The following CRIM1 variants were observed in gnomAD, a reference collection of about 807,000 sequenced individuals.
CRIM1 encodes cysteine rich transmembrane BMP regulator 1.
Under a neutral mutation model 116.4 loss-of-function variants are expected in CRIM1, and 32 were observed. The observed-to-expected ratio is 0.27, with a 90% confidence interval of 0.21 to 0.37. CRIM1 has a LOEUF of 0.37. CRIM1 is among the 10% of genes least tolerant of loss of function. The pLI is 1.00. For synonymous variants in CRIM1, 590 were observed against 509.2 expected (o/e 1.16, Z -2.13); for missense variants, 1,331 against 1,354.8 (o/e 0.98, Z 0.28).
At chr2:36,547,215 A>T (rs1355861437) in intron 16 of CRIM1, 44 bp downstream of exon 16, 50 of 1,496,348 alleles carry the variant, frequency 3.3e-5, no homozygotes, top group Non-Finnish European at 4.6e-5. Context: ...TGAATCTAGG[A>T]AAACTTACAC....
chr2:36,364,780 G>A (rs1277758290), intron 1 of CRIM1, among the ~76,000 whole-genome samples: 1 of 152,090 alleles, frequency 6.6e-6, no homozygotes, highest in Non-Finnish European at 1.5e-5. Flanking sequence ...AGTAAATATT[G>A]TAGTGAGGAT....
At chr2:36,466,325 A>C (rs941559098) in intron 5 of CRIM1, among the ~76,000 whole-genome samples, 1 of 152,158 alleles carries the variant, frequency 6.6e-6, no homozygotes, top group African/African-American at 2.4e-5. Context: ...AGGGGAACAG[A>C]AAAAGTTCTG....
intron 1 of CRIM1, among the ~76,000 whole-genome samples, chr2:36,369,534 A>G (rs1270978254): frequency 6.6e-6 from 1 of 152,222 alleles, no homozygotes; most frequent in East Asian, 1.9e-4. Context: ...ATTAACGACA[A>G]AAAGTTCTGT....
intron 1 of CRIM1, among the ~76,000 whole-genome samples, chr2:36,358,482 G>A (rs1669004056): frequency 6.6e-6 from 1 of 152,194 alleles, no homozygotes; most frequent in Admixed American, 6.5e-5. Context: ...TTCTGGTGAA[G>A]GAAGTGCTCA....
chr2:36,415,260 T>A (rs982315126), intron 2 of CRIM1, among the ~76,000 whole-genome samples: 1 of 152,172 alleles, frequency 6.6e-6, no homozygotes, highest in African/African-American at 2.4e-5. Context: ...AATTACCTGC[T>A]TGAGAAACTG....
intron 1 of CRIM1, among the ~76,000 whole-genome samples, chr2:36,392,556 T>A (rs1046558271): frequency 1.3e-5 from 2 of 152,148 alleles, no homozygotes; most frequent in African/African-American, 4.8e-5. Flanking sequence ...AAAGAGAGAT[T>A]TTAAAACATA....
chr2:36,403,751 G>A (rs564385565), intron 2 of CRIM1, among the ~76,000 whole-genome samples: 1 of 152,240 alleles, frequency 6.6e-6, no homozygotes, highest in South Asian at 2.1e-4. Flanking sequence ...AGGATATATT[G>A]TGGTGTCATT....
intron 2 of CRIM1, among the ~76,000 whole-genome samples, chr2:36,440,996 A>G (rs1049884956): frequency 6.6e-6 from 1 of 152,170 alleles, no homozygotes; most frequent in Non-Finnish European, 1.5e-5. Context: ...CATTTTGGTC[A>G]TTGCTCCAGA....
At chr2:36,509,132 TAGTA>T (rs1035191189) in intron 8 of CRIM1, among the ~76,000 whole-genome samples, 15 of 152,314 alleles carry the variant, frequency 9.8e-5, no homozygotes, top group Admixed American at 9.8e-4. Context: ...TTGAAAGTAA[TAGTA>T]AGAAATCCCT....
intron 2 of CRIM1, among the ~76,000 whole-genome samples, chr2:36,428,026 G>T (rs903887551): frequency 5.3e-5 from 8 of 152,356 alleles, no homozygotes; most frequent in African/African-American, 1.4e-4. Context: ...TGTATGTTTA[G>T]CTGATTTCAT....
At chr2:36,440,452 G>A (rs757125292) in intron 2 of CRIM1, among the ~76,000 whole-genome samples, 15 of 152,124 alleles carry the variant, frequency 9.9e-5, no homozygotes, top group Admixed American at 3.3e-4. Context: ...CCTTATGTTC[G>A]TATAGGTCTC....
intron 7 of CRIM1, among the ~76,000 whole-genome samples, chr2:36,483,654 G>C (rs1283835748): frequency 6.6e-6 from 1 of 152,116 alleles, no homozygotes; most frequent in Non-Finnish European, 1.5e-5. Context: ...CCCCTGTAAA[G>C]AAAGAATTTG....
chr2:36,497,053 A>T (rs141832829), intron 7 of CRIM1, among the ~76,000 whole-genome samples: 38 of 152,340 alleles, frequency 2.5e-4, no homozygotes, highest in African/African-American at 8.7e-4. Context: ...TGATGATTAT[A>T]CATTTTTCAA....
At chr2:36,453,709 T>C (rs745555374) in intron 4 of CRIM1, among the ~76,000 whole-genome samples, 1 of 152,210 alleles carries the variant, frequency 6.6e-6, no homozygotes, top group Non-Finnish European at 1.5e-5. Context: ...AAGGCAAATA[T>C]GTATAAGTCA....
rs1558432860 is a variant in CRIM1, at chr2:36,550,072, C to CGT, written c.*1372_*1373insTG. The stretch of plus-strand genomic sequence containing the variant: ...GTGTGTGTGTGTGTGTGTGTGCGCG[C>CGT]GCACGCACGCCTTGAGCAGTCAGCA... On this transcript the variant is annotated 3_prime_UTR_variant, in exon 17 of 17. Transcript: ENST00000280527. The CGT allele has an allele frequency of 1.3e-5, 2 of 150,138 alleles. No individual in the cohort carries two copies. The highest frequency in any genetic ancestry group is 2.5e-5 in the African/African-American group (1 of 40,270). 9.3% of individuals were successfully genotyped at this position (150,138 alleles called of 1,614,324 possible).
chr2:36,373,814 G>T (rs546884019), intron 1 of CRIM1, among the ~76,000 whole-genome samples: 1 of 152,224 alleles, frequency 6.6e-6, no homozygotes, highest in South Asian at 2.1e-4. Flanking sequence ...TGCAAAAATT[G>T]CTCACAGGGT....
chr2:36,463,683 T>C (rs571802229), intron 4 of CRIM1, among the ~76,000 whole-genome samples: 3 of 152,302 alleles, frequency 2.0e-5, no homozygotes, highest in Admixed American at 2.0e-4. Context: ...ATGCAACATT[T>C]TGTCTCCTCT....
rs1380130546 is a variant in CRIM1 at position 36,550,868 on chromosome 2, T to TAACA, written c.*2168_*2171dup. The TAACA allele has an allele frequency of 2.6e-5, 4 of 152,586 alleles. No homozygotes were observed. Among genetic ancestry groups the TAACA allele is most frequent in the Non-Finnish European group, 5.9e-5 (4 of 68,020 alleles). 9.5% of individuals were successfully genotyped at this position (152,586 alleles called of 1,614,324 possible). A position where few individuals can be genotyped will look rare whatever the true frequency, so the allele number is the denominator to read the frequency against. On this transcript the variant is annotated 3_prime_UTR_variant, in exon 17 of 17. Coordinates refer to ENST00000280527, the MANE Select transcript of CRIM1 (RefSeq NM_016441.3). ...AATCATGGCCATATTATGAAAATAC[T>TAACA]AACAGGATATAGGACAAGGTGTAAA...
intron 13 of CRIM1, among the ~76,000 whole-genome samples, chr2:36,528,033 TC>T (rs1665870029): frequency 6.6e-6 from 1 of 152,104 alleles, no homozygotes; most frequent in Non-Finnish European, 1.5e-5. Context: ...GTCCTGTGCT[TC>T]ACAAAAGTGC....
Sources: gnomAD v4.1 joint callset for allele counts (sites outside exome capture counted in the v4.1 genomes callset) on GRCh38, gnomAD v4.1.1 for gene constraint, MANE v1.5 for transcripts, NCBI Gene and HGNC (gene_info 2026-07-23, HGNC 2026-07-21) for gene names.